Variants in CFAP70 observed in about 807,000 individuals in gnomAD.
The protein encoded by CFAP70 is cilia- and flagella-associated protein 70.
Under a neutral mutation model 137.6 loss-of-function variants are expected in CFAP70, and 81 were observed. The observed-to-expected ratio is 0.59, with a 90% confidence interval of 0.49 to 0.71. CFAP70 has a LOEUF of 0.71. CFAP70 is among the 30% of genes least tolerant of loss of function. CFAP70 has a pLI of 0.00. For missense variants in CFAP70, 976 were observed against 1,226.7 expected, an observed-to-expected ratio of 0.80 and a Z score of 3.05; for synonymous variants, 382 against 423.6, an observed-to-expected ratio of 0.90 and a Z score of 1.20.
At chr10:73,304,244 G>A (rs1300380607) in intron 12 of CFAP70, among the ~76,000 whole-genome samples, 2 of 152,136 alleles carry the variant, frequency 1.3e-5, no homozygotes, top group African/African-American at 4.8e-5. Flanking sequence ...AGTAGAGGCA[G>A]GGTTTCCCCA....
intron 11 of CFAP70, 21 bp downstream of exon 12, chr10:73,311,812 TC>T: frequency 6.3e-7 from 1 of 1,590,228 alleles, no homozygotes; most frequent in Non-Finnish European, 8.6e-7. Context: ...AACTTAATTT[TC>T]CAAACTTCAT....
chr10:73,354,532 A>G (rs1199845384), intron 2 of CFAP70, among the ~76,000 whole-genome samples: 1 of 152,184 alleles, frequency 6.6e-6, no homozygotes, highest in Non-Finnish European at 1.5e-5. Flanking sequence ...ATCCTGTTAA[A>G]TTTAGTATTC....
chr10:73,312,484 G>A, exon 10 of CFAP70: 1 of 1,604,906 alleles, frequency 6.2e-7, no homozygotes, highest in Non-Finnish European at 8.5e-7. Flanking sequence ...ACATCCCCAG[G>A]CCTAGGCCTT....
intron 8 of CFAP70, among the ~76,000 whole-genome samples, chr10:73,326,570 CA>C (rs1474205334): frequency 6.7e-6 from 1 of 149,500 alleles, no homozygotes; most frequent in Admixed American, 6.7e-5. Flanking sequence ...AAAGGATCAA[CA>C]AAATTGATAG....
At chr10:73,288,337 A>T (rs61865820) in intron 19 of CFAP70, among the ~76,000 whole-genome samples, 1,647 of 152,316 alleles carry the variant, frequency 0.011, 23 homozygotes, top group Non-Finnish European at 0.018. Context: ...CTATAAAAGA[A>T]CAAAAAAATA....
rs765214078 is a variant in CFAP70, at chr10:73,275,435, A to G, written c.2673+11T>C. 6.3e-7 allele frequency: 1 copy of G among 1,582,588 alleles called. No individual in the cohort carries two copies. Among genetic ancestry groups the G allele is most frequent in the East Asian group, 2.3e-5 (1 of 44,210 alleles). Reference sequence around the variant, plus strand: ...TCTCCAGACTCAAGAGGCTTTAGCAAAAGTCATTACCAGGTAGTCCATCTG... The same window carrying G: ...TCTCCAGACTCAAGAGGCTTTAGCAGAAGTCATTACCAGGTAGTCCATCTG... On this transcript the variant is annotated intron_variant, in intron 22 of 26. Coordinates refer to ENST00000310715, the Ensembl canonical transcript of CFAP70. The surrounding 1 kb of genome is among the most constrained non-coding windows in gnomAD (Gnocchi z 4.0).
In CFAP70 at chr10:73,256,459, C is replaced by T. The variant is rs972916469; in HGVS notation, c.3028-43G>A. 2.5e-6 allele frequency: 4 copies of T among 1,611,776 alleles called. No individual in the cohort carries two copies. In the African/African-American group the frequency reaches 4.0e-5, roughly 16 times the overall value. On this transcript the variant is annotated intron_variant, in intron 25 of 26. Coordinates refer to ENST00000310715, the Ensembl canonical transcript of CFAP70. Reference sequence around the variant, plus strand: ...GTTGGTGATGATGACAGGTCATAAACATTATGGTAAGGAAAATACATTGCC... The same window carrying T: ...GTTGGTGATGATGACAGGTCATAAATATTATGGTAAGGAAAATACATTGCC...
chr10:73,291,158 G>T, intron 19 of CFAP70, 68 bp downstream of exon 20: 1 of 1,421,770 alleles, frequency 7.0e-7, no homozygotes, highest in Non-Finnish European at 9.9e-7. Context: ...AGGACTACAG[G>T]TGTGAGCCAC....
intron 6 of CFAP70, 75 bp downstream of exon 7, chr10:73,341,324 C>A: frequency 3.9e-6 from 5 of 1,290,790 alleles, no homozygotes; most frequent in Non-Finnish European, 5.4e-6. Context: ...ATATAAATTA[C>A]AGTAATTCAC....
chr10:73,297,199 T>C, intron 14 of CFAP70, 26 bp from the exon 16 acceptor site: 11 of 1,605,648 alleles, frequency 6.9e-6, no homozygotes, highest in Non-Finnish European at 8.5e-6. Flanking sequence ...ATCACCCATC[T>C]GATAATACAG....
intron 1 of CFAP70, among the ~76,000 whole-genome samples, chr10:73,356,171 G>GT (rs1473778218): frequency 6.7e-6 from 1 of 149,878 alleles, no homozygotes; most frequent in Non-Finnish European, 1.5e-5. Context: ...TTGGATATTT[G>GT]TTTTTTGGAA....
chr10:73,299,757 G>A, intron 12 of CFAP70, 92 bp from the exon 14 acceptor site: 1 of 1,003,868 alleles, frequency 1.0e-6, no homozygotes. Context: ...AAAGTGTCTG[G>A]GTGGGGGAGA....
In CFAP70 at chr10:73,348,550, A is replaced by G; in HGVS notation, c.251-29T>C. The stretch of plus-strand genomic sequence containing the variant: ...GAAAAATCAAAACAAAGAAAATGAG[A>G]CATTTAAAACACATCTATCCGATAA... On this transcript the variant is annotated intron_variant, in intron 3 of 26. Coordinates refer to ENST00000310715, the Ensembl canonical transcript of CFAP70. 2.2e-6 allele frequency: 3 copies of G among 1,363,116 alleles called. No individual in the cohort carries two copies. In the South Asian group the frequency reaches 4.3e-5, roughly 20 times the overall value. 84.4% of individuals were successfully genotyped at this position (1,363,116 alleles called of 1,614,324 possible).
At chr10:73,309,668 T>TG (rs1011636177) in intron 12 of CFAP70, among the ~76,000 whole-genome samples, 1 of 151,514 alleles carries the variant, frequency 6.6e-6, no homozygotes. Context: ...ATTTTTTTTT[T>TG]TTTTTAGAGA....
intron 3 of CFAP70, among the ~76,000 whole-genome samples, chr10:73,353,243 C>T (rs2054416887): frequency 6.6e-6 from 1 of 152,078 alleles, no homozygotes; most frequent in Admixed American, 6.6e-5. Flanking sequence ...GGGAGGTGAT[C>T]TCAGTCTCTA....
At chr10:73,263,264 T>C (rs766939770) in intron 25 of CFAP70, among the ~76,000 whole-genome samples, 1 of 151,672 alleles carries the variant, frequency 6.6e-6, no homozygotes, top group Non-Finnish European at 1.5e-5. Context: ...CCCAGCTAAT[T>C]TTTTTAATGT....
intron 12 of CFAP70, among the ~76,000 whole-genome samples, chr10:73,306,378 T>C (rs2049377842): frequency 1.3e-5 from 2 of 152,172 alleles, no homozygotes; most frequent in Admixed American, 1.3e-4. Flanking sequence ...AAAACTCATA[T>C]GTCCACACTA....
At chr10:73,361,844 AC>A (rs1259942109), upstream of CFAP70, among the ~76,000 whole-genome samples, 3 of 150,930 alleles carry the variant, frequency 2.0e-5, no homozygotes, top group Non-Finnish European at 2.9e-5. Flanking sequence ...CACTATGAAA[AC>A]CCCAACTGTT....
At chr10:73,260,578 A>C (rs2045062457) in intron 25 of CFAP70, among the ~76,000 whole-genome samples, 2 of 152,200 alleles carry the variant, frequency 1.3e-5, no homozygotes, top group South Asian at 4.1e-4. Flanking sequence ...GCATCAGCAC[A>C]ATCCAGTGTT....
Sources: gnomAD v4.1 joint callset for allele counts (sites outside exome capture counted in the v4.1 genomes callset) on GRCh38, gnomAD v4.1.1 for gene constraint, Gnocchi (gnomAD v3.1) non-coding constraint, MANE v1.5 for transcripts, NCBI Gene and HGNC (gene_info 2026-07-23, HGNC 2026-07-21) for gene names.